The following CCDC3 variants were observed in gnomAD, a reference collection of about 807,000 sequenced individuals.
CCDC3 encodes the protein coiled-coil domain-containing protein 3.
A neutral mutation model predicts 21.4 loss-of-function variants in CCDC3; 24 were observed. The observed-to-expected ratio is 1.12, with a 90% CI of 0.81 to 1.58. The LOEUF (loss-of-function observed/expected upper bound fraction) is 1.58, where lower values mean the gene tolerates loss of function less well. Ranked by LOEUF, CCDC3 falls within the 40% of genes most tolerant of loss-of-function variation. The probability of loss-of-function intolerance (pLI) is 0.00; values close to 1 mark genes in which losing one functional copy is unlikely to be tolerated. For missense variants in CCDC3, 425 were observed against 360.9 expected (o/e 1.18, Z -1.44); for synonymous variants, 186 against 166.0 (o/e 1.12, Z -0.93).
At chr10:12,988,515 T>C (rs1835632753) in intron 2 of CCDC3, among the ~76,000 whole-genome samples, 7 of 152,150 alleles carry the variant, frequency 4.6e-5, no homozygotes, top group Admixed American at 4.6e-4. Flanking sequence ...GGCTAATTTT[T>C]GTATTTTTAG....
At chr10:12,976,339 T>G (rs1040123409) in intron 2 of CCDC3, among the ~76,000 whole-genome samples, 3 of 152,194 alleles carry the variant, frequency 2.0e-5, no homozygotes, top group Admixed American at 1.3e-4. Context: ...ACTGAGCAAT[T>G]ACTACTGTGC....
In CCDC3 at chr10:12,898,474, CCCG is replaced by C. The variant is rs1319875821; in HGVS notation, c.752_754del (p.Ala251del). The C allele has an allele frequency of 1.9e-6, 3 of 1,613,286 alleles. No homozygotes were observed. Among genetic ancestry groups the C allele is most frequent in the Non-Finnish European group, 2.5e-6 (3 of 1,179,596 alleles). On this transcript the variant is annotated inframe_deletion, in exon 3 of 3. Transcript: ENST00000378825. ...CCGGGCATTGATGTGCGGCAGCGCG[CCCG>C]CCGCCAGCTTCTCACTGAGTTTCTG...
chr10:13,093,257 G>A (rs1832597359), intron 3 of CCDC3, among the ~76,000 whole-genome samples: 1 of 152,136 alleles, frequency 6.6e-6, no homozygotes, highest in Non-Finnish European at 1.5e-5. Context: ...TTACATGGCG[G>A]CAGGCAAGAG....
intron 2 of CCDC3, among the ~76,000 whole-genome samples, chr10:12,956,764 CT>C (rs1414512910): frequency 1.3e-5 from 2 of 152,138 alleles, no homozygotes; most frequent in African/African-American, 4.8e-5. Context: ...ATGTCACCTC[CT>C]CCCTCCACCC....
intron 5 of CCDC3, among the ~76,000 whole-genome samples, chr10:13,020,081 G>A (rs1836125053): frequency 6.6e-6 from 1 of 152,120 alleles, no homozygotes; most frequent in South Asian, 2.1e-4. Flanking sequence ...CTAGGACCTT[G>A]GAAAATACTT....
At chr10:13,075,365 C>A (rs994657654) in intron 3 of CCDC3, among the ~76,000 whole-genome samples, 1 of 152,018 alleles carries the variant, frequency 6.6e-6, no homozygotes, top group African/African-American at 2.4e-5. Context: ...GGCTTTTAAA[C>A]GAAATAATAA....
chr10:13,079,113 T>G (rs993633664), intron 3 of CCDC3, among the ~76,000 whole-genome samples: 1 of 152,246 alleles, frequency 6.6e-6, no homozygotes, highest in African/African-American at 2.4e-5. Flanking sequence ...ATTACCTTGC[T>G]GAGAAAACTT....
At chr10:13,077,011 G>A (rs1036585624) in intron 3 of CCDC3, among the ~76,000 whole-genome samples, 19 of 152,170 alleles carry the variant, frequency 1.2e-4, no homozygotes, top group African/African-American at 3.9e-4. Flanking sequence ...TCTGGCCAGG[G>A]CAATCAGGCA....
chr10:12,931,202 C>A (rs1204639852), intron 2 of CCDC3, among the ~76,000 whole-genome samples: 1 of 91,760 alleles, frequency 1.1e-5, no homozygotes, highest in Non-Finnish European at 1.9e-5. Flanking sequence ...CAGAGCAAGA[C>A]TCTGTCAAAA....
At chr10:12,938,732 T>C (rs758127585) in intron 2 of CCDC3, among the ~76,000 whole-genome samples, 10 of 152,170 alleles carry the variant, frequency 6.6e-5, no homozygotes, top group Non-Finnish European at 1.0e-4. Context: ...ACTTCTTTGG[T>C]TCCTTGAACT....
chr10:13,012,888 G>A (rs1356104293), intron 5 of CCDC3, among the ~76,000 whole-genome samples: 1 of 152,036 alleles, frequency 6.6e-6, no homozygotes, highest in African/African-American at 2.4e-5. Context: ...ACCTGCATGT[G>A]TACCCTGAAC....
At chr10:13,078,448 G>A (rs1836992233) in intron 3 of CCDC3, among the ~76,000 whole-genome samples, 2 of 152,254 alleles carry the variant, frequency 1.3e-5, no homozygotes, top group Non-Finnish European at 2.9e-5. Context: ...GGAAGACAGT[G>A]TGGCTATTCC....
chr10:12,899,935 T>C (rs1352524857), intron 2 of CCDC3, among the ~76,000 whole-genome samples: 2 of 152,226 alleles, frequency 1.3e-5, no homozygotes, highest in African/African-American at 4.8e-5. Flanking sequence ...ATAATCTCCA[T>C]GTGTCATGGG....
At chr10:12,915,676 G>C (rs1834342048) in intron 2 of CCDC3, among the ~76,000 whole-genome samples, 1 of 152,204 alleles carries the variant, frequency 6.6e-6, no homozygotes, top group Admixed American at 6.5e-5. Context: ...GTGTGGTCAT[G>C]GGTGGGTTTG....
At chr10:12,959,174 C>CTTT (rs34149625) in intron 2 of CCDC3, among the ~76,000 whole-genome samples, 229 of 148,214 alleles carry the variant, frequency 1.5e-3, no homozygotes, top group South Asian at 5.8e-3. Flanking sequence ...AAGCTACAAT[C>CTTT]TTTTTTTTTT....
intron 2 of CCDC3, among the ~76,000 whole-genome samples, chr10:12,922,242 G>C (rs969493659): frequency 6.6e-6 from 1 of 152,154 alleles, no homozygotes; most frequent in African/African-American, 2.4e-5. Flanking sequence ...AGTCTACAGC[G>C]TGAGCTGCCC....
chr10:12,936,797 C>T (rs541773929), intron 2 of CCDC3, among the ~76,000 whole-genome samples: 81 of 152,286 alleles, frequency 5.3e-4, no homozygotes, highest in African/African-American at 1.8e-3. Context: ...CCTATAGTCC[C>T]AGCTACTCAA....
intron 2 of CCDC3, among the ~76,000 whole-genome samples, chr10:12,908,056 G>A (rs940391797): frequency 7.2e-5 from 11 of 152,168 alleles, no homozygotes; most frequent in Admixed American, 7.2e-4. Flanking sequence ...AGGAAACATT[G>A]AGCTGTCTTG....
chr10:12,928,237 C>T (rs549456330), intron 2 of CCDC3, among the ~76,000 whole-genome samples: 8 of 152,322 alleles, frequency 5.3e-5, no homozygotes, highest in African/African-American at 1.9e-4. Flanking sequence ...CTCTTGTCCA[C>T]ACCAGATTCA....
Sources: allele counts gnomAD v4.1 joint callset (sites outside exome capture counted in the v4.1 genomes callset), GRCh38; gene constraint gnomAD v4.1.1; transcripts MANE v1.5; gene names NCBI Gene and HGNC (gene_info 2026-07-23, HGNC 2026-07-21).